The following WIPF2 variants were observed in gnomAD, a reference collection of about 807,000 sequenced individuals.
The protein encoded by WIPF2 is WAS/WASL interacting protein family member 2.
WIPF2 carries 23 observed loss-of-function variants against 38.8 expected under a neutral mutation model. The observed-to-expected ratio is 0.59, with a 90% CI of 0.43 to 0.84. The LOEUF (loss-of-function observed/expected upper bound fraction) is 0.84, where lower values mean the gene tolerates loss of function less well. Among genes scored for constraint, WIPF2 ranks in the 40% least tolerant of loss-of-function variants. The pLI is 0.00. For synonymous variants in WIPF2, 210 were observed against 223.2 expected (o/e 0.94, Z 0.53); for missense variants, 574 against 580.5 (o/e 0.99, Z 0.11).
chr17:40,256,258 G>C, intron 1 of WIPF2, 133 bp from the exon 2 acceptor site: 1 of 651,144 alleles, frequency 1.5e-6, no homozygotes, highest in Admixed American at 4.0e-5. Flanking sequence ...ACCAAGCCCT[G>C]GACTGTATCA....
chr17:40,220,599 A>ATATATATATATATATG (rs2030167245), intron 1 of WIPF2: 2 of 83,110 alleles, frequency 2.4e-5, no homozygotes, highest in Non-Finnish European at 2.2e-5. Context: ...ATATATATAT[A>ATATATATATATATATG]TATATATATA....
chr17:40,258,185 G>T (rs1034918934), intron 2 of WIPF2, among the ~76,000 whole-genome samples: 1 of 151,698 alleles, frequency 6.6e-6, no homozygotes, highest in African/African-American at 2.4e-5. Flanking sequence ...ATCACCTGAG[G>T]TCGGGCGTTT....
chr17:40,220,065 A>C (rs553522572), intron 1 of WIPF2: 1 of 152,164 alleles, frequency 6.6e-6, no homozygotes, highest in Non-Finnish European at 1.5e-5. Flanking sequence ...GGTTGGATTG[A>C]GAATGTTAAG....
intron 1 of WIPF2, among the ~76,000 whole-genome samples, chr17:40,220,775 C>T (rs1227090500): frequency 7.3e-6 from 1 of 136,924 alleles, no homozygotes; most frequent in Non-Finnish European, 1.6e-5. Context: ...GCCCAGAATT[C>T]GTTTTTTTTT....
At chr17:40,250,217 A>ATTTTTTTTTTTTTTTTTTTTTTTT (rs1567716394) in intron 1 of WIPF2, among the ~76,000 whole-genome samples, 2 of 80,274 alleles carry the variant, frequency 2.5e-5, no homozygotes, top group African/African-American at 9.9e-5. Flanking sequence ...GAATTTTATC[A>ATTTTTTTTTTTTTTTTTTTTTTTT]TGTTTTTTTT....
At chr17:40,275,395 G>C (rs2032367226) in intron 6 of WIPF2, among the ~76,000 whole-genome samples, 1 of 152,098 alleles carries the variant, frequency 6.6e-6, no homozygotes, top group Non-Finnish European at 1.5e-5. Context: ...AAGTGTATCA[G>C]ATTAACTTTT....
chr17:40,249,742 C>T (rs184017864), intron 1 of WIPF2, among the ~76,000 whole-genome samples: 148 of 151,816 alleles, frequency 9.7e-4, no homozygotes, highest in African/African-American at 3.4e-3. Context: ...TGTGAGCCAC[C>T]GCACCCTGCC....
intron 1 of WIPF2, 112 bp from the exon 2 acceptor site, chr17:40,256,279 A>G: frequency 1.2e-6 from 1 of 816,012 alleles, no homozygotes; most frequent in Non-Finnish European, 1.8e-6. Flanking sequence ...CAGTGGAACT[A>G]AAAGATAAGG....
At chr17:40,268,768 A>G (rs1300877656) in intron 5 of WIPF2, among the ~76,000 whole-genome samples, 1 of 152,160 alleles carries the variant, frequency 6.6e-6, no homozygotes. Context: ...CCAGAAAAAA[A>G]TTGAGATATT....
chr17:40,232,179 A>ATTTTTTTTTTT lies in WIPF2; in HGVS notation c.-70+12705_-70+12715dup, dbSNP rs752876006. The stretch of plus-strand genomic sequence containing the variant: ...AGGCACATGCCACCATGCCTGGCTA[A>ATTTTTTTTTTT]TTTTTTTTTTTTTTTTTTTTTTTTT... On this transcript the variant is annotated intron_variant, in intron 1 of 7. Coordinates refer to ENST00000323571, the MANE Select transcript of WIPF2 (RefSeq NM_133264.5). Among the ~76,000 whole-genome samples the ATTTTTTTTTTT allele has an allele frequency of 8.2e-4, 62 of 76,052 alleles. 2 individuals are homozygous for ATTTTTTTTTTT. The highest frequency in any genetic ancestry group is 3.2e-3 in the African/African-American group (47 of 14,506). The allele number at this position is 76,052 out of a possible 152,430, so 49.9% of individuals were successfully genotyped here.
rs1376858647 is a variant in WIPF2 at position 40,265,101 on chromosome 17, A to G, written c.925A>G (p.Asn309Asp). 5 of 1,613,384 alleles carry G rather than the reference A, an allele frequency of 3.1e-6. No homozygotes were observed. The highest frequency in any genetic ancestry group is 2.2e-5 in the East Asian group (1 of 44,864). The change falls in exon 5 of 8, where the codon AAT (asparagine) becomes GAT (aspartate). Residue 309 changes from asparagine (N) to aspartate (D), a missense_variant. Coordinates refer to ENST00000323571, the MANE Select transcript of WIPF2 (RefSeq NM_133264.5). ...CTCGGCCTCCCCATCTTTACTGAGT[A>G]ATAGGCCACCTCCCCCAGCCCGAGA... Reference protein sequence around the residue: ...PTSASPSLLSNRPPPPARDPP... With the variant: ...PTSASPSLLSDRPPPPARDPP...
chr17:40,276,311 T>C (rs897384652), intron 6 of WIPF2, among the ~76,000 whole-genome samples: 24 of 151,820 alleles, frequency 1.6e-4, no homozygotes, highest in African/African-American at 5.6e-4. Flanking sequence ...GTGGATCACC[T>C]GAGGTCAGGA....
chr17:40,265,267 T>A (rs2032051855), intron 5 of WIPF2, 121 bp downstream of exon 5: 2 of 1,243,512 alleles, frequency 1.6e-6, no homozygotes, highest in Admixed American at 5.1e-5. Context: ...AGTACCTTTT[T>A]ATGTGTCAGG....
intron 1 of WIPF2, among the ~76,000 whole-genome samples, chr17:40,253,056 G>A (rs924704717): frequency 2.0e-5 from 3 of 150,186 alleles, no homozygotes; most frequent in African/African-American, 4.9e-5. Flanking sequence ...ATTAGCCACC[G>A]CGCCTGGACT....
chr17:40,242,204 C>A (rs1342808408), intron 1 of WIPF2, among the ~76,000 whole-genome samples: 1 of 152,088 alleles, frequency 6.6e-6, no homozygotes, highest in Non-Finnish European at 1.5e-5. Flanking sequence ...ATAGTGAGAT[C>A]CTGTCTTTGC....
chr17:40,220,607 A>ATATATATG (rs2030175449), intron 1 of WIPF2: 2 of 90,548 alleles, frequency 2.2e-5, no homozygotes, highest in African/African-American at 4.5e-5. Context: ...ATATATATAT[A>ATATATATG]TATATATATA....
intron 1 of WIPF2, among the ~76,000 whole-genome samples, chr17:40,250,416 T>TA (rs1349269626): frequency 7.2e-6 from 1 of 139,552 alleles, no homozygotes; most frequent in Admixed American, 7.3e-5. Flanking sequence ...ATTTTTGTAT[T>TA]TTTTTTTTTT....
rs2145392902 is a variant in WIPF2 at position 40,266,325 on chromosome 17, A to G, written c.970+1179A>G. On this transcript the variant is annotated intron_variant, in intron 5 of 7. Transcript: ENST00000323571. ...ATGAAGAATACCCAGCAGAGGAAAC[A>G]GAAAAGCTTCTAGTGAGGATGGAAG... Among the ~76,000 whole-genome samples the G allele has an allele frequency of 2.6e-5, 4 of 152,200 alleles. No individual in the cohort carries two copies. In the Middle Eastern group the frequency reaches 0.014, roughly 518 times the overall value.
At chr17:40,268,411 TTGTC>T (rs1453462002) in intron 5 of WIPF2, among the ~76,000 whole-genome samples, 3 of 152,162 alleles carry the variant, frequency 2.0e-5, no homozygotes, top group African/African-American at 7.2e-5. Flanking sequence ...AAAAGACTCT[TTGTC>T]TGAGCAAAGC....
Sources: allele counts gnomAD v4.1 joint callset (sites outside exome capture counted in the v4.1 genomes callset), GRCh38; gene constraint gnomAD v4.1.1; transcripts MANE v1.5; gene names NCBI Gene and HGNC (gene_info 2026-07-23, HGNC 2026-07-21).